The following TRANK1 variants were observed in gnomAD, a reference collection of about 807,000 sequenced individuals.
TRANK1 encodes the protein tetratricopeptide repeat and ankyrin repeat containing 1.
TRANK1 carries 198 observed loss-of-function variants against 266.0 expected under a neutral mutation model. That is an observed-to-expected ratio of 0.74 (90% CI 0.66 to 0.84). The LOEUF is 0.84. Among genes scored for constraint, TRANK1 ranks in the 40% least tolerant of loss-of-function variants. The pLI, the probability that TRANK1 is intolerant of heterozygous loss-of-function variation, is 0.00. For missense variants in TRANK1, 3,326 were observed against 3,634.6 expected (o/e 0.92, Z 2.18); for synonymous variants, 1,396 against 1,384.1 (o/e 1.01, Z -0.19).
intron 13 of TRANK1, among the ~76,000 whole-genome samples, chr3:36,853,345 C>T (rs1390119521): frequency 6.6e-6 from 1 of 152,184 alleles, no homozygotes; most frequent in Non-Finnish European, 1.5e-5. Context: ...AGATAGAATA[C>T]AATGGTCTAG....
chr3:36,889,807 T>A (rs2079660660), intron 8 of TRANK1, 22 bp downstream of exon 8: 9 of 1,524,532 alleles, frequency 5.9e-6, no homozygotes, highest in African/African-American at 1.4e-5. Context: ...CAGCGCACCC[T>A]CTGGGTAATG....
intron 5 of TRANK1, 140 bp downstream of exon 5, chr3:36,895,500 T>A: frequency 1.8e-6 from 1 of 544,402 alleles, no homozygotes; most frequent in Non-Finnish European, 3.1e-6. Context: ...AGACTTTTCA[T>A]CTTTAATGAT....
chr3:36,892,421 T>C, intron 6 of TRANK1, 81 bp from the exon 7 acceptor site: 1 of 1,479,354 alleles, frequency 6.8e-7, no homozygotes, highest in South Asian at 1.3e-5. Context: ...CCATAAAGTA[T>C]GGAATCAGTA....
rs762140557 is a variant in TRANK1 at position 36,832,360 on chromosome 3, C to T, written c.7223G>A (p.Arg2408Gln). The T allele has an allele frequency of 1.7e-5, 28 of 1,613,868 alleles. No homozygotes were observed. Among genetic ancestry groups the T allele is most frequent in the African/African-American group, 6.7e-5 (5 of 74,900 alleles). The change falls in exon 22 of 24, where the codon CGG becomes CAG. Residue 2408 changes from arginine (R) to glutamine (Q), a missense_variant. Transcript: ENST00000645898. ...TTGATCAATGCAATTCTCCAGAAGC[C>T]GGATGAAGCACAGGTGGGTCTTGTC... ...NMDKTHLCFI[R>Q]LLENCIDQFY...
intron 8 of TRANK1, among the ~76,000 whole-genome samples, chr3:36,877,065 T>C (rs558096355): frequency 6.6e-6 from 1 of 152,232 alleles, no homozygotes; most frequent in South Asian, 2.1e-4. Context: ...TTCAAATGGG[T>C]TTAAAATTTA....
chr3:36,833,454 A>C lies in TRANK1; in HGVS notation c.6129T>G (p.Phe2043Leu), dbSNP rs745438547. Residue 2043 changes from phenylalanine to leucine, a missense_variant, in exon 22 of 24, where the codon TTT (phenylalanine) becomes TTG (leucine). Phe to Leu is a conservative substitution (Grantham distance 22). Coordinates refer to ENST00000645898, the MANE Select transcript of TRANK1 (RefSeq NM_001329998.2). ...TGAAGAAGGCATCCCTGAGCTTCTG[A>C]AAGTCTCTCAGGATTACCCCTTGCA... The part of the protein sequence containing the change: ...HFLQGVILRD[F>L]QKLRDAFFKF... 1.9e-6 allele frequency: 3 copies of C among 1,613,868 alleles called. No homozygotes were observed. In the Admixed American group the frequency reaches 5.0e-5, roughly 27 times the overall value.
Position 36,832,401 on chromosome 3 carries a change from C to T in TRANK1, c.7182G>A (p.Arg2394=), listed in dbSNP as rs753646747. The change falls in exon 22 of 24, where the codon AGG becomes AGA. Residue 2394 remains arginine (R), a synonymous_variant. Coordinates refer to ENST00000645898, the MANE Select transcript of TRANK1 (RefSeq NM_001329998.2). ...GGGTCTTGTCCATATTTTCATCATCCCTGTTGGGTGCCAGCATGCCAAATT... is the reference window on the plus strand; with the variant it reads ...GGGTCTTGTCCATATTTTCATCATCTCTGTTGGGTGCCAGCATGCCAAATT... ...EGKFGMLAPN[R]DDENMDKTHL... 4 of 1,613,894 alleles carry T rather than the reference C, an allele frequency of 2.5e-6. No homozygotes were observed. The highest frequency in any genetic ancestry group is 1.1e-5 in the South Asian group (1 of 91,086).
intron 10 of TRANK1, among the ~76,000 whole-genome samples, chr3:36,862,915 C>A (rs542946550): frequency 6.6e-6 from 1 of 152,056 alleles, no homozygotes; most frequent in African/African-American, 2.4e-5. Context: ...AAAAAAGTCA[C>A]TTTTTTGCCA....
At chr3:36,850,758 A>C (rs1213082392) in intron 15 of TRANK1, 21 of 985,310 alleles carry the variant, frequency 2.1e-5, no homozygotes, top group Non-Finnish European at 2.4e-5. Context: ...TATTAAGGCA[A>C]AATAACATTT....
Position 36,855,869 on chromosome 3 carries a change from T to C in TRANK1, c.3853A>G (p.Ile1285Val). 1.2e-6 allele frequency: 2 copies of C among 1,613,718 alleles called. No individual in the cohort carries two copies. The highest frequency in any genetic ancestry group is 1.7e-6 in the Non-Finnish European group (2 of 1,179,840). The change falls in exon 13 of 24, where the codon ATT becomes GTT. Residue 1285 changes from isoleucine to valine, a missense_variant. Coordinates refer to ENST00000645898, the MANE Select transcript of TRANK1 (RefSeq NM_001329998.2). ...TCTTCATCCTCTTGCCAACTAGGAA[T>C]GGTTGACTCTTCCTGTGCAGACCAT... Reference protein sequence around the residue: ...IGWSAQEESTIPSWQEDEEEA... With the variant: ...IGWSAQEESTVPSWQEDEEEA...
rs771235688 is a variant in TRANK1, at chr3:36,855,909, T to C, written c.3813A>G (p.Lys1271=). 1 of 1,613,670 alleles carries C rather than the reference T, an allele frequency of 6.2e-7. No homozygotes were observed. The highest frequency in any genetic ancestry group is 1.7e-5 in the Admixed American group (1 of 59,990). ...GTGCAGACCATCCTATGATGGTTCT[T>C]TTCAAGCTTCCATCTTCGTTTCTCA... The part of the protein sequence containing the change: ...FFLRNEDGSL[K]RTIIGWSAQE... Residue 1271 remains lysine, a synonymous_variant, in exon 13 of 24, where the codon AAA becomes AAG. Transcript: ENST00000645898.
At chr3:36,916,858 C>G (rs1424904318) in intron 1 of TRANK1, among the ~76,000 whole-genome samples, 1 of 151,832 alleles carries the variant, frequency 6.6e-6, no homozygotes, top group Non-Finnish European at 1.5e-5. Flanking sequence ...CTCTGTCCCC[C>G]AGCCTGGAGT....
Position 36,834,885 on chromosome 3 carries a change from T to C in TRANK1, c.5540A>G (p.Tyr1847Cys). 4 of 1,612,450 alleles carry C rather than the reference T, an allele frequency of 2.5e-6. No homozygotes were observed. The highest frequency in any genetic ancestry group is 3.4e-6 in the Non-Finnish European group (4 of 1,179,466). The change falls in exon 21 of 24, where the codon TAT becomes TGT. Residue 1847 changes from tyrosine to cysteine, a missense_variant. By Grantham distance (194) the Tyr-to-Cys change is radical. Transcript: ENST00000645898. ...LGKIRDAAYF[Y>C]KRSQCYKDAF... is the part of the protein sequence containing the mutation. ...GTCTTTGTAGCACTGGCTTCGCTTA[T>C]AGAAATAGGCAGCATCTCTTATCTA...
intron 1 of TRANK1, among the ~76,000 whole-genome samples, chr3:36,942,503 A>AAAAAAAAAAAC (rs2080510041): frequency 6.7e-6 from 1 of 150,110 alleles, no homozygotes; most frequent in Non-Finnish European, 1.5e-5. Flanking sequence ...AAAAAAAAAA[A>AAAAAAAAAAAC]AAAGAACAGG....
Position 36,857,439 on chromosome 3 carries a change from C to T in TRANK1, c.2283G>A (p.Glu761=), listed in dbSNP as rs754954622. 1 of 1,613,998 alleles carries T rather than the reference C, an allele frequency of 6.2e-7. No homozygotes were observed. The highest frequency in any genetic ancestry group is 1.1e-5 in the South Asian group (1 of 91,086). Residue 761 remains glutamate, a synonymous_variant, in exon 13 of 24, where the codon GAG becomes GAA. Coordinates refer to ENST00000645898, the MANE Select transcript of TRANK1 (RefSeq NM_001329998.2). This position sits in a 1 kb window ranked among gnomAD's most constrained non-coding sequence, Gnocchi z 4.3. ...EDCLQSSEPL[E]AGAGKEGKKD... is the part of the protein sequence containing the mutation. ...TCTTTCCTTCTTTGCCAGCTCCTGC[C>T]TCCAGAGGCTCAGAGCTCTGAAGAC...
At chr3:36,868,599 T>C (rs1305961700) in intron 9 of TRANK1, among the ~76,000 whole-genome samples, 1 of 152,140 alleles carries the variant, frequency 6.6e-6, no homozygotes, top group Non-Finnish European at 1.5e-5. Context: ...TAAAAGAAAA[T>C]ATAAATATAT....
rs183134658 is a variant in TRANK1 at position 36,857,415 on chromosome 3, C to A, written c.2307G>T (p.Lys769Asn). The change falls in exon 13 of 24, where the codon AAG becomes AAT. Residue 769 changes from lysine (K) to asparagine (N), a missense_variant. Transcript: ENST00000645898. This position sits in a 1 kb window ranked among gnomAD's most constrained non-coding sequence, Gnocchi z 4.3. The stretch of plus-strand genomic sequence containing the variant: ...CACCCAGAGTCGGCTTGTCATCTTT[C>A]TTTCCTTCTTTGCCAGCTCCTGCCT... ...PLEAGAGKEG[K>N]KDDKPTLGAG... 3.1e-6 allele frequency: 5 copies of A among 1,613,796 alleles called. No homozygotes were observed. Among genetic ancestry groups the A allele is most frequent in the Admixed American group, 3.3e-5 (2 of 60,004 alleles).
In TRANK1 at chr3:36,833,711, T is replaced by G. The variant is rs2078730239; in HGVS notation, c.5872A>C (p.Arg1958=). 6.2e-7 allele frequency: 1 copy of G among 1,613,908 alleles called. No homozygotes were observed. Among genetic ancestry groups the G allele is most frequent in the Non-Finnish European group, 8.5e-7 (1 of 1,179,896 alleles). ...GCAGCCTCTTCTCTCCTACCTTCCC[T>G]GTTCAGCAGGTCTGCAGCTTCTGCT... The part of the protein sequence containing the change: ...RLAEAADLLN[R]EGRREEAALL... The change falls in exon 22 of 24, where the codon AGG becomes CGG. Residue 1958 remains arginine (R), a synonymous_variant. Coordinates refer to ENST00000645898, the MANE Select transcript of TRANK1 (RefSeq NM_001329998.2).
At chr3:36,845,954 C>T (rs1304057671) in intron 17 of TRANK1, among the ~76,000 whole-genome samples, 1 of 152,154 alleles carries the variant, frequency 6.6e-6, no homozygotes, top group Non-Finnish European at 1.5e-5. Context: ...TGTACAAACA[C>T]TCATAGCACT....
Sources: allele counts gnomAD v4.1 joint callset (sites outside exome capture counted in the v4.1 genomes callset), GRCh38; gene constraint gnomAD v4.1.1; non-coding constraint Gnocchi (gnomAD v3.1); transcripts MANE v1.5; gene names NCBI Gene and HGNC (gene_info 2026-07-23, HGNC 2026-07-21).